Variants in C2orf80 observed in about 807,000 individuals in gnomAD.
The protein encoded by C2orf80 is chromosome 2 open reading frame 80.
A neutral mutation model predicts 30.2 loss-of-function variants in C2orf80; 28 were observed. The ratio of observed to expected loss-of-function variants is 0.93; its 90% CI spans 0.69 to 1.27. The LOEUF (loss-of-function observed/expected upper bound fraction) is 1.27, where lower values mean the gene tolerates loss of function less well. Among genes scored for constraint, C2orf80 ranks in the 50% most tolerant of loss-of-function variants. The pLI, the probability that C2orf80 is intolerant of heterozygous loss-of-function variation, is 0.00. For synonymous variants in C2orf80, 80 were observed against 76.4 expected (o/e 1.05, Z -0.24); for missense variants, 220 against 231.0 (o/e 0.95, Z 0.31).
chr2:208,170,956 G>T lies in C2orf80; in HGVS notation c.562C>A (p.Pro188Thr), dbSNP rs554082754. The T allele has an allele frequency of 8.1e-6, 13 of 1,613,504 alleles. No individual in the cohort carries two copies. The highest frequency in any genetic ancestry group is 1.7e-4 in the Middle Eastern group (1 of 6,060). ...AATCTCACACCTACTTTGTGCTTTG[G>T]CTGTGTGTCTGAAAACCTTTGTGAT... ...KSSQRFSDTQ[P>T]KHKVT The change falls in exon 8 of 9, where the codon CCA becomes ACA. Residue 188 changes from proline (P) to threonine (T), a missense_variant. Transcript: ENST00000341287.
At chr2:208,176,991 G>GTATACATA (rs750495616) in intron 6 of C2orf80, among the ~76,000 whole-genome samples, 1 of 17,470 alleles carries the variant, frequency 5.7e-5, no homozygotes, top group East Asian at 0.014. Context: ...AAATGTATAT[G>GTATACATA]TATACATATA....
At chr2:208,173,245 G>A (rs528315664) in intron 6 of C2orf80, among the ~76,000 whole-genome samples, 3 of 151,868 alleles carry the variant, frequency 2.0e-5, no homozygotes, top group East Asian at 3.9e-4. Context: ...TGTTAGCTAT[G>A]TGCAGCAGTA....
chr2:208,169,712 CAAAAA>C (rs9288388), intron 8 of C2orf80, among the ~76,000 whole-genome samples: 2 of 112,440 alleles, frequency 1.8e-5, no homozygotes, highest in Admixed American at 1.8e-4. Flanking sequence ...GACTCTGTCT[CAAAAA>C]AAAAAAAAAA....
chr2:208,189,893 C>T, intron 1 of C2orf80, 60 bp downstream of exon 1: 1 of 702,148 alleles, frequency 1.4e-6, no homozygotes, highest in South Asian at 1.5e-5. Context: ...TGGTACAGGT[C>T]TCTCGGGCTG....
In C2orf80 at chr2:208,171,974, G is replaced by A. The variant is rs372849744; in HGVS notation, c.454+14C>T. ...CTTACATTCCTCTAAGCAGGTGAAA[G>A]TAACCAGGCTTACTCTGTTTGCGGG... On this transcript the variant is annotated intron_variant, in intron 7 of 8. Transcript: ENST00000341287. The A allele has an allele frequency of 1.9e-6, 3 of 1,606,732 alleles. No individual in the cohort carries two copies. Among genetic ancestry groups the A allele is most frequent in the Non-Finnish European group, 2.6e-6 (3 of 1,173,376 alleles).
At chr2:208,180,900 T>C (rs375003851) in intron 5 of C2orf80, 84 bp from the exon 6 acceptor site, 1 of 1,186,674 alleles carries the variant, frequency 8.4e-7, no homozygotes. Flanking sequence ...ATAGCTCCAG[T>C]ATGTCTAAAA....
intron 6 of C2orf80, among the ~76,000 whole-genome samples, chr2:208,180,401 G>T (rs1006787881): frequency 6.6e-6 from 1 of 151,116 alleles, no homozygotes; most frequent in African/African-American, 2.4e-5. Flanking sequence ...AGTGAGCCGA[G>T]ATCGCACCAC....
At chr2:208,189,394 A>G (rs1265237372) in intron 1 of C2orf80, among the ~76,000 whole-genome samples, 3 of 152,216 alleles carry the variant, frequency 2.0e-5, no homozygotes, top group Non-Finnish European at 4.4e-5. Context: ...TCTTTAAAAT[A>G]TGAGTATGTC....
chr2:208,179,512 C>A (rs1696480753), intron 6 of C2orf80, among the ~76,000 whole-genome samples: 1 of 152,218 alleles, frequency 6.6e-6, no homozygotes, highest in Non-Finnish European at 1.5e-5. Context: ...TGGTGCCCCC[C>A]TTCCCCCCTC....
intron 6 of C2orf80, among the ~76,000 whole-genome samples, chr2:208,179,667 A>G (rs1314249213): frequency 6.6e-6 from 1 of 151,886 alleles, no homozygotes; most frequent in Non-Finnish European, 1.5e-5. Context: ...ACAAGTGGCA[A>G]AAATGGAAGT....
intron 8 of C2orf80, among the ~76,000 whole-genome samples, chr2:208,169,973 AT>A (rs767779307): frequency 2.0e-4 from 31 of 152,204 alleles, no homozygotes; most frequent in Non-Finnish European, 4.4e-4. Context: ...TGCCTCTGAA[AT>A]CTGAATAAAT....
At chr2:208,168,322 T>C in intron 8 of C2orf80, 1 of 260,562 alleles carries the variant, frequency 3.8e-6, no homozygotes, top group South Asian at 3.4e-5. Context: ...GGCTTGAAAA[T>C]TTTACTTATA....
At chr2:208,172,296 T>A (rs557327489) in intron 6 of C2orf80, among the ~76,000 whole-genome samples, 1 of 152,292 alleles carries the variant, frequency 6.6e-6, no homozygotes, top group East Asian at 1.9e-4. Context: ...TTGGTTCCCA[T>A]TTCCTAGAAT....
At chr2:208,181,128 G>T (rs1559343106) in intron 5 of C2orf80, 90 bp downstream of exon 5, 1 of 983,012 alleles carries the variant, frequency 1.0e-6, no homozygotes, top group Non-Finnish European at 1.5e-6. Context: ...AGAAACATTG[G>T]TTGAAAAATA....
intron 6 of C2orf80, among the ~76,000 whole-genome samples, chr2:208,177,828 ATTT>A (rs1230908671): frequency 6.2e-4 from 91 of 146,824 alleles, no homozygotes; most frequent in African/African-American, 2.3e-3. Flanking sequence ...TTATTTATTT[ATTT>A]TTTATTTTTT....
chr2:208,189,898 G>A (rs556540283), intron 1 of C2orf80, 55 bp downstream of exon 1: 129 of 702,118 alleles, frequency 1.8e-4, no homozygotes, highest in Non-Finnish European at 2.9e-4. Context: ...CAGGTCTCTC[G>A]GGCTGTTCTA....
At chr2:208,185,069 G>T in intron 2 of C2orf80, 37 bp from the exon 3 acceptor site, 1 of 1,530,482 alleles carries the variant, frequency 6.5e-7, no homozygotes, top group Non-Finnish European at 9.0e-7. Context: ...CCATTGGAGT[G>T]ACACGGGCTC....
At position 208,168,788 on chromosome 2, in the gene C2orf80, ATC is replaced by A. The variant is rs1341039887; in HGVS notation, c.573+2155_573+2156del. The stretch of plus-strand genomic sequence containing the variant: ...GAAAGGGCTTTTCTGGAAGGGATTC[ATC>A]TCAGGACCTGGGGCCCTACTAAAAC... On this transcript the variant is annotated intron_variant, in intron 8 of 8. Coordinates refer to ENST00000341287, the MANE Select transcript of C2orf80 (RefSeq NM_001099334.3). 9.6e-5 allele frequency among the ~76,000 whole-genome samples: 10 copies of A among 103,974 alleles called. 1 individual carries two copies. Among genetic ancestry groups the A allele is most frequent in the African/African-American group, 1.3e-4 (3 of 22,692 alleles). 68.2% of individuals were successfully genotyped at this position (103,974 alleles called of 152,430 possible). A position where few individuals can be genotyped will look rare whatever the true frequency, so the allele number is the denominator to read the frequency against.
At chr2:208,175,683 G>A (rs1559339468) in intron 6 of C2orf80, among the ~76,000 whole-genome samples, 2 of 151,992 alleles carry the variant, frequency 1.3e-5, no homozygotes, top group South Asian at 2.1e-4. Flanking sequence ...ACATTTTATC[G>A]GAAGGAATCA....
Sources: gnomAD v4.1 joint callset for allele counts (sites outside exome capture counted in the v4.1 genomes callset) on GRCh38, gnomAD v4.1.1 for gene constraint, MANE v1.5 for transcripts, NCBI Gene and HGNC (gene_info 2026-07-23, HGNC 2026-07-21) for gene names.